WASHC5: variants seen among roughly 807,000 people sequenced by gnomAD.
The protein encoded by WASHC5 is WASH complex subunit strumpellin.
In WASHC5, 101 loss-of-function variants were observed where a neutral mutation model predicts 150.4. That is an observed-to-expected ratio of 0.67 (90% CI 0.57 to 0.79). WASHC5 has a LOEUF of 0.79. Among genes scored for constraint, WASHC5 ranks in the 30% least tolerant of loss-of-function variants. The probability of loss-of-function intolerance (pLI) is 0.00; values close to 1 mark genes in which losing one functional copy is unlikely to be tolerated. For missense variants in WASHC5, 1,195 were observed against 1,396.3 expected, an observed-to-expected ratio of 0.86 and a Z score of 2.30; for synonymous variants, 467 against 491.2, an observed-to-expected ratio of 0.95 and a Z score of 0.65.
rs557772128 is a variant in WASHC5, at chr8:125,029,182, C to G, written c.3336-475G>C. ...GACTGGCTGGGATTACAGATGCACG[C>G]CAGCATGCCTGGCTAATTTTTTGTA... On this transcript the variant is annotated intron_variant, in intron 27 of 28. Transcript: ENST00000318410. Among the ~76,000 whole-genome samples, 12 of 152,290 alleles carry G rather than the reference C, an allele frequency of 7.9e-5. No individual in the cohort carries two copies. In the South Asian group the frequency reaches 2.3e-3, roughly 29 times the overall value.
Position 125,029,294 on chromosome 8 carries a change from A to T in WASHC5, c.3336-587T>A, listed in dbSNP as rs529612818. 5.0e-4 allele frequency among the ~76,000 whole-genome samples: 76 copies of T among 152,248 alleles called. 2 individuals are homozygous for T. In the South Asian group the frequency reaches 6.6e-3, roughly 13 times the overall value. The stretch of plus-strand genomic sequence containing the variant: ...GTGATCCACCCGCCCTGGCCTCCCA[A>T]AGTGTTGGGATTACAGGCGTGAGCC... On this transcript the variant is annotated intron_variant, in intron 27 of 28. Transcript: ENST00000318410.
Position 125,026,013 on chromosome 8 carries a change from A to G in WASHC5, c.3424-1340T>C, listed in dbSNP as rs545429000. ...GAATTGCTGGGATCAGGGTAAGTATATTACAAATGTTTTTTTAAAATAGAT... is the reference window on the plus strand; with the variant it reads ...GAATTGCTGGGATCAGGGTAAGTATGTTACAAATGTTTTTTTAAAATAGAT... On this transcript the variant is annotated intron_variant, in intron 28 of 28. Transcript: ENST00000318410. Among the ~76,000 whole-genome samples, 5 of 152,330 alleles carry G rather than the reference A, an allele frequency of 3.3e-5. No homozygotes were observed. The East Asian group carries it at 9.6e-4, about 29-fold the overall frequency.
chr8:125,084,005 G>T lies in WASHC5; in HGVS notation c.-107C>A. The T allele has an allele frequency of 9.2e-7, 1 of 1,084,734 alleles. No homozygotes were observed. Among genetic ancestry groups the T allele is most frequent in the Non-Finnish European group, 1.4e-6 (1 of 725,400 alleles). The allele number at this position is 1,084,734 out of a possible 1,614,324, so 67.2% of individuals were successfully genotyped here. On this transcript the variant is annotated 5_prime_UTR_variant, in exon 2 of 29. Transcript: ENST00000318410. Reference sequence around the variant, plus strand: ...TGAAACCAGGTGTGCAGAGAGATTGGCTCCTCCATTAAAGAACCTGTATCC... The same window carrying T: ...TGAAACCAGGTGTGCAGAGAGATTGTCTCCTCCATTAAAGAACCTGTATCC...
In WASHC5 at chr8:125,083,860, T is replaced by C. The variant is rs549678165; in HGVS notation, c.39A>G (p.Gln13=). 9 of 1,613,954 alleles carry C rather than the reference T, an allele frequency of 5.6e-6. No homozygotes were observed. The highest frequency in any genetic ancestry group is 4.5e-5 in the East Asian group (2 of 44,888). The stretch of plus-strand genomic sequence containing the variant: ...CACAGGAAACAATCCTTAGGATTGC[T>C]TGGCCACAGAGGTTGTTCTCGGCTA... ...DFLAENNLCG[Q]AILRIVSCGN... The change falls in exon 2 of 29, where the codon CAA becomes CAG. Residue 13 remains glutamine, a synonymous_variant. Transcript: ENST00000318410.
At chr8:125,061,717 T>G (rs1427926165) in intron 11 of WASHC5, among the ~76,000 whole-genome samples, 1 of 152,048 alleles carries the variant, frequency 6.6e-6, no homozygotes, top group Non-Finnish European at 1.5e-5. Context: ...ATGCAGGGGG[T>G]GCCATTTGCA....
chr8:125,032,521 G>C, intron 26 of WASHC5, 127 bp from the exon 27 acceptor site: 1 of 1,078,018 alleles, frequency 9.3e-7, no homozygotes, highest in Non-Finnish European at 1.4e-6. Flanking sequence ...ATTTTGGAGG[G>C]AATGACAATT....
At chr8:125,075,987 A>T (rs1333874246) in intron 7 of WASHC5, among the ~76,000 whole-genome samples, 1 of 152,246 alleles carries the variant, frequency 6.6e-6, no homozygotes, top group Non-Finnish European at 1.5e-5. Flanking sequence ...TCCTATTCAC[A>T]AAGTGACAAA....
chr8:125,059,596 T>G (rs2130099531), intron 12 of WASHC5, 54 bp from the exon 13 acceptor site: 2 of 1,364,206 alleles, frequency 1.5e-6, no homozygotes, highest in Middle Eastern at 2.1e-4. Flanking sequence ...TCTATGGTGC[T>G]CATTTGTTCT....
Position 125,056,760 on chromosome 8 carries a change from G to A in WASHC5, c.1933C>T (p.Gln645Ter). 1 of 1,614,104 alleles carries A rather than the reference G, an allele frequency of 6.2e-7. No individual in the cohort carries two copies. The highest frequency in any genetic ancestry group is 2.2e-5 in the East Asian group (1 of 44,884). The stretch of plus-strand genomic sequence containing the variant: ...GGCACTTCAATAATGTCGTGGGTCT[G>A]AAGCTTTATGATCTTTAGAAGAGAT... The part of the protein sequence containing the change: ...FTSLLKIIKL[Q>*]THDIIEVPTR... The change falls in exon 16 of 29, where the codon CAG (glutamine) becomes TAG (stop). Residue 645 changes from glutamine to a stop codon, truncating the protein, a stop_gained. Transcript: ENST00000318410. LOFTEE classifies it high-confidence loss of function.
intron 24 of WASHC5, among the ~76,000 whole-genome samples, chr8:125,039,320 G>A (rs1458445658): frequency 6.6e-6 from 1 of 152,178 alleles, no homozygotes; most frequent in Non-Finnish European, 1.5e-5. Flanking sequence ...TGGTGAGGCG[G>A]AGGATATGAG....
chr8:125,090,532 A>G (rs1240427373), intron 1 of WASHC5, among the ~76,000 whole-genome samples: 1 of 152,184 alleles, frequency 6.6e-6, no homozygotes, highest in Non-Finnish European at 1.5e-5. Context: ...AGATCCCACT[A>G]TATTTTCTTA....
Position 125,073,240 on chromosome 8 carries a change from C to A in WASHC5, c.1063G>T (p.Val355Phe). Residue 355 changes from valine to phenylalanine, a missense_variant, in exon 9 of 29, where the codon GTT becomes TTT. Val to Phe is a conservative substitution (Grantham distance 50, BLOSUM62 -1). Around this residue, in one of 3 missense-constraint regions of WASHC5, gnomAD observed 997 missense variants for 1,168.1 expected, o/e 0.85. Transcript: ENST00000318410. ...AGAAGCTTTGGGATATTGTCCAGAA[C>A]CATCTCCTCCCTTAAATAACCTTCT... is the stretch of plus-strand genomic sequence containing the variant. ...LKEGYLREEM[V>F]LDNIPKLLNC... 6.2e-7 allele frequency: 1 copy of A among 1,614,116 alleles called. No individual in the cohort carries two copies.
intron 27 of WASHC5, among the ~76,000 whole-genome samples, chr8:125,029,596 A>G (rs975956674): frequency 2.4e-4 from 36 of 152,232 alleles, no homozygotes; most frequent in African/African-American, 7.7e-4. Flanking sequence ...AAATAAATAC[A>G]GCATCTAGCA....
intron 23 of WASHC5, among the ~76,000 whole-genome samples, chr8:125,041,093 T>C (rs1267946262): frequency 6.6e-6 from 1 of 152,146 alleles, no homozygotes; most frequent in Non-Finnish European, 1.5e-5. Flanking sequence ...TCTGCAATGG[T>C]TGGATGATAG....
chr8:125,081,590 G>A, intron 5 of WASHC5, 71 bp downstream of exon 5: 2 of 859,006 alleles, frequency 2.3e-6, no homozygotes, highest in Non-Finnish European at 4.0e-6. Context: ...CACAGTATAA[G>A]GAATATGGGG....
In WASHC5 at chr8:125,067,577, T is replaced by C. The variant is rs1238733556; in HGVS notation, c.1278+15A>G. ...AAAGCTAAGACTGTGGTGATATTCA[T>C]TCAAATATTTTTACCTCTTTGAGTA... On this transcript the variant is annotated intron_variant, in intron 10 of 28. Coordinates refer to ENST00000318410, the MANE Select transcript of WASHC5 (RefSeq NM_014846.4). 5 of 1,600,570 alleles carry C rather than the reference T, an allele frequency of 3.1e-6. No individual in the cohort carries two copies. The highest frequency in any genetic ancestry group is 4.3e-6 in the Non-Finnish European group (5 of 1,168,230).
chr8:125,060,215 G>A (rs571515296), intron 12 of WASHC5, among the ~76,000 whole-genome samples: 9 of 152,156 alleles, frequency 5.9e-5, no homozygotes, highest in East Asian at 3.9e-4. Context: ...GGCCGGGCAC[G>A]GTGGCTCATG....
At chr8:125,065,012 T>C (rs762005766) in intron 10 of WASHC5, among the ~76,000 whole-genome samples, 1 of 152,170 alleles carries the variant, frequency 6.6e-6, no homozygotes, top group Non-Finnish European at 1.5e-5. Flanking sequence ...AGCAACAACA[T>C]AAGAGCACCC....
chr8:125,043,950 C>T, intron 22 of WASHC5, 42 bp downstream of exon 22: 2 of 1,524,404 alleles, frequency 1.3e-6, no homozygotes, highest in Non-Finnish European at 1.8e-6. Flanking sequence ...TTCGTAAAGG[C>T]TACAGTGTCA....
Sources: gnomAD v4.1 joint callset for allele counts (sites outside exome capture counted in the v4.1 genomes callset) on GRCh38, gnomAD v4.1.1 for gene constraint, gnomAD v4.1.1 regional missense constraint, MANE v1.5 for transcripts, NCBI Gene and HGNC (gene_info 2026-07-23, HGNC 2026-07-21) for gene names.